Variants in TMEM154 observed in about 807,000 individuals in gnomAD.
TMEM154 encodes transmembrane protein 154.
A neutral mutation model predicts 24.5 loss-of-function variants in TMEM154; 27 were observed. The ratio of observed to expected loss-of-function variants is 1.10; its 90% CI spans 0.81 to 1.52. The LOEUF is 1.52. TMEM154 is among the 40% of genes most tolerant of loss of function. TMEM154 has a pLI of 0.00. For missense variants in TMEM154, 228 were observed against 213.4 expected (o/e 1.07, Z -0.43); for synonymous variants, 67 against 76.8 (o/e 0.87, Z 0.67).
chr4:152,646,790 A>C (rs574328065), intron 3 of TMEM154: 11 of 602,080 alleles, frequency 1.8e-5, no homozygotes, highest in Non-Finnish European at 2.9e-5. Flanking sequence ...CAGGAGCTAC[A>C]GGAGCCTCTG....
chr4:152,652,849 G>A lies in TMEM154; in HGVS notation c.143C>T (p.Thr48Ile), dbSNP rs1728414508. 6.2e-7 allele frequency: 1 copy of A among 1,614,008 alleles called. No individual in the cohort carries two copies. Among genetic ancestry groups the A allele is most frequent in the Admixed American group, 1.7e-5 (1 of 60,014 alleles). The change falls in exon 2 of 7, where the codon ACA (threonine) becomes ATA (isoleucine). Residue 48 changes from threonine to isoleucine, a missense_variant. Thr to Ile is a moderately conservative substitution (Grantham distance 89). Transcript: ENST00000304385. ...TTCTTTGATGGTCACTGCAGCAAAT[G>A]TGCTTGGAATAGTCACTTTATTTGG... ...ERPNKVTIPS[T>I]FAAVTIKETL...
intron 6 of TMEM154, among the ~76,000 whole-genome samples, chr4:152,632,206 C>A (rs1433799827): frequency 6.6e-6 from 1 of 152,024 alleles, no homozygotes; most frequent in Non-Finnish European, 1.5e-5. Flanking sequence ...TTTTTTCTGG[C>A]TTTTTTTCTT....
intron 6 of TMEM154, among the ~76,000 whole-genome samples, chr4:152,633,693 G>A (rs1174732863): frequency 6.6e-6 from 1 of 152,098 alleles, no homozygotes; most frequent in Non-Finnish European, 1.5e-5. Context: ...GGCCAAGTGT[G>A]GTGGCAAATG....
At position 152,679,950 on chromosome 4, in the gene TMEM154, A is replaced by C; in HGVS notation, c.-17T>G. The C allele has an allele frequency of 6.2e-7, 1 of 1,601,706 alleles. No individual in the cohort carries two copies. The highest frequency in any genetic ancestry group is 8.5e-7 in the Non-Finnish European group (1 of 1,174,020). On this transcript the variant is annotated 5_prime_UTR_variant, in exon 1 of 7. Transcript: ENST00000304385. ...AGCCTGCATGTCCGCTCGCCTCGGC[A>C]GAGGCGCGCTCAGGATGCTGCGCCG... is the stretch of plus-strand genomic sequence containing the variant.
rs751594525 is a variant in TMEM154 at position 152,628,574 on chromosome 4, AAAAAAAAAAAAAAAAAAAC to A, written c.537-32_537-14del. ...GGATTCACTGTCACTGTAAAAAAAAAAAAAAAAAAAAAAAAAAACAAAAAAAACACACACACACACACAA... is the reference window on the plus strand; with the variant it reads ...GGATTCACTGTCACTGTAAAAAAAAAAAAAAAAACACACACACACACACAA... On this transcript the variant is annotated splice_polypyrimidine_tract_variant and intron_variant, in intron 6 of 6. Coordinates refer to ENST00000304385, the MANE Select transcript of TMEM154 (RefSeq NM_152680.3). 2,651 of 1,250,244 alleles carry A rather than the reference AAAAAAAAAAAAAAAAAAAC, an allele frequency of 2.1e-3. 4 individuals are homozygous for A. The highest frequency in any genetic ancestry group is 2.3e-3 in the Non-Finnish European group (2,179 of 948,298). 77.4% of individuals were successfully genotyped at this position (1,250,244 alleles called of 1,614,324 possible). A position where few individuals can be genotyped will look rare whatever the true frequency, so the allele number is the denominator to read the frequency against.
At chr4:152,670,943 C>T (rs1214490478) in intron 1 of TMEM154, among the ~76,000 whole-genome samples, 1 of 152,118 alleles carries the variant, frequency 6.6e-6, no homozygotes, top group Non-Finnish European at 1.5e-5. Flanking sequence ...GGGACGATGG[C>T]ATGCAAATCG....
chr4:152,675,585 C>A (rs987899893), intron 1 of TMEM154, among the ~76,000 whole-genome samples: 8 of 152,080 alleles, frequency 5.3e-5, no homozygotes, highest in Non-Finnish European at 1.5e-5. Flanking sequence ...CAAGATCGTG[C>A]CATTGCACTC....
At position 152,621,152 on chromosome 4, in the gene TMEM154, G is replaced by T. The variant is rs1579502358; in HGVS notation, c.*7394C>A. On this transcript the variant is annotated 3_prime_UTR_variant, in exon 7 of 7. Transcript: ENST00000304385. Reference sequence around the variant, plus strand: ...TAAGCAGAGTTGCTTCACTGGGCTGGCAGGAAAGCTATTTAAAAGTGGCTG... The same window carrying T: ...TAAGCAGAGTTGCTTCACTGGGCTGTCAGGAAAGCTATTTAAAAGTGGCTG... 1 of 152,262 alleles carries T rather than the reference G, an allele frequency of 6.6e-6. No individual in the cohort carries two copies. Among genetic ancestry groups the T allele is most frequent in the South Asian group, 2.1e-4 (1 of 4,828 alleles). The allele number at this position is 152,262 out of a possible 1,614,324, so 9.4% of individuals were successfully genotyped here. A position where few individuals can be genotyped will look rare whatever the true frequency, so the allele number is the denominator to read the frequency against.
chr4:152,624,250 T>C lies in TMEM154; in HGVS notation c.*4296A>G, dbSNP rs1197592030. On this transcript the variant is annotated 3_prime_UTR_variant, in exon 7 of 7. Transcript: ENST00000304385. ...TGTATATACTGCTATCTCAGGAACA[T>C]GATATGTTATTTAGAAAAGATAGTA... 6.6e-6 allele frequency: 1 copy of C among 152,120 alleles called. No individual in the cohort carries two copies. The highest frequency in any genetic ancestry group is 1.5e-5 in the Non-Finnish European group (1 of 68,016). The allele number at this position is 152,120 out of a possible 1,614,324, so 9.4% of individuals were successfully genotyped here.
chr4:152,673,263 T>C, intron 1 of TMEM154, among the ~76,000 whole-genome samples: 1 of 152,162 alleles, frequency 6.6e-6, no homozygotes, highest in Admixed American at 6.5e-5. Flanking sequence ...TTTTTTTCTT[T>C]TTTTTTTCCC....
chr4:152,677,599 T>C (rs141760629), intron 1 of TMEM154, among the ~76,000 whole-genome samples: 2 of 152,226 alleles, frequency 1.3e-5, no homozygotes, highest in African/African-American at 2.4e-5. Flanking sequence ...AGTCATAGCT[T>C]TTATTCAACA....
chr4:152,643,309 C>T, intron 4 of TMEM154, 136 bp from the exon 5 acceptor site: 1 of 649,074 alleles, frequency 1.5e-6, no homozygotes, highest in Non-Finnish European at 2.6e-6. Flanking sequence ...AGCCTGGGGG[C>T]TTGCCCTATT....
rs79864903 is a variant in TMEM154, at chr4:152,647,293, C to T, written c.365-2851G>A. On this transcript the variant is annotated intron_variant, in intron 3 of 6. Coordinates refer to ENST00000304385, the MANE Select transcript of TMEM154 (RefSeq NM_152680.3). ...TTCTGTGGGAGCTTTCCAAGCAAAA[C>T]GCTGGTATGACCTTCCATGATAGTT... The T allele has an allele frequency of 2.9e-3, 2,847 of 985,258 alleles. 64 individuals carry two copies. The African/African-American group carries it at 0.044, about 15-fold the overall frequency. 61.0% of individuals were successfully genotyped at this position (985,258 alleles called of 1,614,324 possible).
At chr4:152,675,204 C>T (rs949662066) in intron 1 of TMEM154, among the ~76,000 whole-genome samples, 12 of 146,996 alleles carry the variant, frequency 8.2e-5, no homozygotes, top group East Asian at 2.0e-4. Context: ...ATATGACAAG[C>T]GGCAAGATTA....
rs760820637 is a variant in TMEM154 at position 152,679,947 on chromosome 4, G to C, written c.-14C>G. 2.9e-5 allele frequency: 46 copies of C among 1,602,680 alleles called. No homozygotes were observed. Among genetic ancestry groups the C allele is most frequent in the Middle Eastern group, 1.7e-4 (1 of 5,974 alleles). ...GGGAGCCTGCATGTCCGCTCGCCTC[G>C]GCAGAGGCGCGCTCAGGATGCTGCG... On this transcript the variant is annotated 5_prime_UTR_variant, in exon 1 of 7. Coordinates refer to ENST00000304385, the MANE Select transcript of TMEM154 (RefSeq NM_152680.3).
In TMEM154 at chr4:152,625,334, T is replaced by C. The variant is rs535489541; in HGVS notation, c.*3212A>G. ...AGGCCTACACCACGAGGGCCAATTC[T>C]GCCATAAGCCCTATTGCCCAGATAT... is the stretch of plus-strand genomic sequence containing the variant. On this transcript the variant is annotated 3_prime_UTR_variant, in exon 7 of 7. Coordinates refer to ENST00000304385, the MANE Select transcript of TMEM154 (RefSeq NM_152680.3). The C allele has an allele frequency of 5.9e-4, 94 of 159,824 alleles. No individual in the cohort carries two copies. Among genetic ancestry groups the C allele is most frequent in the Non-Finnish European group, 2.5e-4 (18 of 71,970 alleles). The allele number at this position is 159,824 out of a possible 1,614,324, so 9.9% of individuals were successfully genotyped here.
intron 1 of TMEM154, among the ~76,000 whole-genome samples, chr4:152,663,392 CAA>C (rs1167675657): frequency 6.6e-6 from 1 of 152,126 alleles, no homozygotes; most frequent in Non-Finnish European, 1.5e-5. Flanking sequence ...GGTTAGAGGG[CAA>C]AGAGAGAGGC....
chr4:152,644,180 G>A (rs1310630040), intron 4 of TMEM154, among the ~76,000 whole-genome samples: 1 of 152,160 alleles, frequency 6.6e-6, no homozygotes, highest in East Asian at 1.9e-4. Flanking sequence ...CTGAATGTAG[G>A]ACAATGAAAT....
chr4:152,631,198 T>C (rs2149777547), intron 6 of TMEM154, among the ~76,000 whole-genome samples: 1 of 152,322 alleles, frequency 6.6e-6, no homozygotes, highest in South Asian at 2.1e-4. Context: ...TTTTACAATT[T>C]ACATTCTTCC....
Sources: allele counts gnomAD v4.1 joint callset (sites outside exome capture counted in the v4.1 genomes callset), GRCh38; gene constraint gnomAD v4.1.1; transcripts MANE v1.5; gene names NCBI Gene and HGNC (gene_info 2026-07-23, HGNC 2026-07-21).